Variants in AGBL4 observed in about 807,000 individuals in gnomAD.
AGBL4 encodes the protein AGBL carboxypeptidase 4.
Under a neutral mutation model 66.4 loss-of-function variants are expected in AGBL4, and 58 were observed. The ratio of observed to expected loss-of-function variants is 0.87; its 90% CI spans 0.71 to 1.09. AGBL4 has a LOEUF of 1.09. Ranked by LOEUF, AGBL4 falls within the 50% of genes least tolerant of loss-of-function variation. The probability of loss-of-function intolerance (pLI) is 0.00; values close to 1 mark genes in which losing one functional copy is unlikely to be tolerated. For synonymous variants in AGBL4, 234 were observed against 222.9 expected, an observed-to-expected ratio of 1.05 and a Z score of -0.44; for missense variants, 579 against 631.0, an observed-to-expected ratio of 0.92 and a Z score of 0.88.
At chr1:49,275,483 T>A (rs928149722) in intron 3 of AGBL4, among the ~76,000 whole-genome samples, 1 of 152,202 alleles carries the variant, frequency 6.6e-6, no homozygotes, top group Admixed American at 6.6e-5. Context: ...AAAGAGCCTA[T>A]ATGGCCAATC....
chr1:48,891,388 A>G (rs1039674617), intron 5 of AGBL4, among the ~76,000 whole-genome samples: 1 of 152,126 alleles, frequency 6.6e-6, no homozygotes, highest in Non-Finnish European at 1.5e-5. Flanking sequence ...CCCAGTCCCA[A>G]ATACCCTCTT....
At chr1:49,872,800 CT>C (rs1342360316) in intron 1 of AGBL4, among the ~76,000 whole-genome samples, 8 of 151,874 alleles carry the variant, frequency 5.3e-5, no homozygotes, top group African/African-American at 1.7e-4. Flanking sequence ...ATAATTTTGT[CT>C]TTAACAAAAT....
intron 6 of AGBL4, among the ~76,000 whole-genome samples, chr1:48,815,792 C>G (rs977487472): frequency 1.6e-4 from 24 of 152,262 alleles, no homozygotes; most frequent in Admixed American, 1.5e-3. Flanking sequence ...GTATGGATCT[C>G]AAAATCAGAA....
In AGBL4 at chr1:49,334,538, G is replaced by C. The variant is rs545499524; in HGVS notation, c.283-88674C>G. Among the ~76,000 whole-genome samples the C allele has an allele frequency of 2.0e-5, 3 of 152,224 alleles. No individual in the cohort carries two copies. In the East Asian group the frequency reaches 5.8e-4, roughly 29 times the overall value. On this transcript the variant is annotated intron_variant, in intron 3 of 13. Coordinates refer to ENST00000371839, the MANE Select transcript of AGBL4 (RefSeq NM_032785.4). ...CTACATAGACTGTCCCAGCTAATCC[G>C]AGTGTTAGCATTCACACTTTATAAA...
Position 49,007,671 on chromosome 1 carries a change from T to C in AGBL4, c.594+37913A>G, listed in dbSNP as rs1301894607. 7.2e-5 allele frequency among the ~76,000 whole-genome samples: 11 copies of C among 151,900 alleles called. No homozygotes were observed. In the East Asian group the frequency reaches 1.2e-3, roughly 16 times the overall value. On this transcript the variant is annotated intron_variant, in intron 5 of 13. Coordinates refer to ENST00000371839, the MANE Select transcript of AGBL4 (RefSeq NM_032785.4). ...AAAGGGAAGCCCATCAGACTAACAG[T>C]GGATCTCTCGGCAGAAACCCTACAA...
At chr1:49,216,293 G>T (rs1239097222) in intron 4 of AGBL4, among the ~76,000 whole-genome samples, 1 of 152,060 alleles carries the variant, frequency 6.6e-6, no homozygotes, top group African/African-American at 2.4e-5. Context: ...GACTCAGAGG[G>T]TTACAGGTGC....
intron 1 of AGBL4, among the ~76,000 whole-genome samples, chr1:49,929,842 A>C (rs924272067): frequency 9.9e-5 from 15 of 152,168 alleles, no homozygotes; most frequent in Non-Finnish European, 2.2e-4. Context: ...AATAGCACAA[A>C]GGTCAGACGG....
intron 5 of AGBL4, among the ~76,000 whole-genome samples, chr1:48,901,129 T>G (rs539428655): frequency 1.3e-5 from 2 of 152,166 alleles, no homozygotes; most frequent in Non-Finnish European, 2.9e-5. Context: ...AGGCTCAATA[T>G]CATTAGTCAT....
chr1:48,976,850 G>C, intron 5 of AGBL4, among the ~76,000 whole-genome samples: 1 of 151,512 alleles, frequency 6.6e-6, no homozygotes, highest in East Asian at 1.9e-4. Context: ...CCCACCTAAA[G>C]TTGCAACACT....
intron 6 of AGBL4, among the ~76,000 whole-genome samples, chr1:48,691,818 C>T (rs1646638203): frequency 6.6e-6 from 1 of 152,168 alleles, no homozygotes; most frequent in Non-Finnish European, 1.5e-5. Flanking sequence ...TCTCAGAATA[C>T]CAGCTCTGCC....
chr1:49,190,617 A>G (rs1647099390), intron 4 of AGBL4, among the ~76,000 whole-genome samples: 1 of 152,100 alleles, frequency 6.6e-6, no homozygotes, highest in African/African-American at 2.4e-5. Flanking sequence ...AGTCCCATTA[A>G]TAAAATAGTT....
At chr1:49,943,644 C>T (rs1436467893) in intron 1 of AGBL4, among the ~76,000 whole-genome samples, 3 of 151,712 alleles carry the variant, frequency 2.0e-5, no homozygotes, top group Non-Finnish European at 4.4e-5. Context: ...CTCTGAGTAC[C>T]CTAAAAAGCC....
At chr1:49,919,276 G>A (rs1651938006) in intron 1 of AGBL4, among the ~76,000 whole-genome samples, 2 of 152,140 alleles carry the variant, frequency 1.3e-5, no homozygotes, top group South Asian at 4.2e-4. Context: ...ATTCAATTAG[G>A]AAAACAGGAA....
At chr1:49,804,115 T>C (rs900411364) in intron 2 of AGBL4, among the ~76,000 whole-genome samples, 4 of 152,186 alleles carry the variant, frequency 2.6e-5, no homozygotes, top group Admixed American at 2.6e-4. Flanking sequence ...AACAGACTCC[T>C]TAAAATCTTA....
intron 4 of AGBL4, among the ~76,000 whole-genome samples, chr1:49,224,312 G>A (rs1649724812): frequency 1.3e-5 from 2 of 152,116 alleles, no homozygotes. Flanking sequence ...CACCAGGCCT[G>A]ATTACATCAA....
chr1:48,669,356 A>G (rs1349446765), intron 6 of AGBL4, among the ~76,000 whole-genome samples: 1 of 152,202 alleles, frequency 6.6e-6, no homozygotes, highest in Non-Finnish European at 1.5e-5. Context: ...CCCTACAGGT[A>G]TGTTGAGCTG....
intron 5 of AGBL4, among the ~76,000 whole-genome samples, chr1:48,929,334 TG>T (rs1321038205): frequency 2.6e-5 from 4 of 152,312 alleles, no homozygotes; most frequent in Admixed American, 2.6e-4. Context: ...CAGCCGCATT[TG>T]TATCCTTTCA....
intron 4 of AGBL4, among the ~76,000 whole-genome samples, chr1:49,081,263 G>A (rs921873500): frequency 6.6e-6 from 1 of 152,120 alleles, no homozygotes; most frequent in Non-Finnish European, 1.5e-5. Flanking sequence ...AAAATAGAAA[G>A]AGCATCCCAT....
chr1:49,717,324 C>G (rs527445584), intron 2 of AGBL4, among the ~76,000 whole-genome samples: 1 of 152,014 alleles, frequency 6.6e-6, no homozygotes, highest in Non-Finnish European at 1.5e-5. Flanking sequence ...CAAGCTACCA[C>G]TGACTTTTTA....
Sources: gnomAD v4.1 joint callset for allele counts (sites outside exome capture counted in the v4.1 genomes callset) on GRCh38, gnomAD v4.1.1 for gene constraint, MANE v1.5 for transcripts, NCBI Gene and HGNC (gene_info 2026-07-23, HGNC 2026-07-21) for gene names.